Variants in ZNF827 observed in about 807,000 individuals in gnomAD.
ZNF827 encodes zinc finger protein 827.
ZNF827 carries 13 observed loss-of-function variants against 102.4 expected under a neutral mutation model. That is an observed-to-expected ratio of 0.13 (90% CI 0.08 to 0.20). ZNF827 has a LOEUF of 0.20. Ranked by LOEUF, ZNF827 falls within the 10% of genes least tolerant of loss-of-function variation. The pLI is 1.00. For missense variants in ZNF827, 1,103 were observed against 1,344.4 expected, an observed-to-expected ratio of 0.82 and a Z score of 2.81; for synonymous variants, 523 against 536.2, an observed-to-expected ratio of 0.98 and a Z score of 0.34.
In ZNF827 at chr4:145,779,471, T is replaced by C. The variant is rs752260029; in HGVS notation, c.2424A>G (p.Pro808=). The C allele has an allele frequency of 1.9e-6, 3 of 1,614,230 alleles. No homozygotes were observed. Among genetic ancestry groups the C allele is most frequent in the Non-Finnish European group, 1.7e-6 (2 of 1,180,042 alleles). ...KIVLEAGNGL[P]SWKFNDQLFP... is the part of the protein sequence containing the mutation. ...AAAGCTGGTCATTGAATTTCCAGGA[T>C]GGTAATCCATTTCCTGCCTCTAGGA... Residue 808 remains proline (P), a synonymous_variant, in exon 9 of 15, where the codon CCA becomes CCG. Coordinates refer to ENST00000508784, the MANE Select transcript of ZNF827 (RefSeq NM_001306215.2).
At chr4:145,883,296 G>A (rs950349233) in intron 4 of ZNF827, among the ~76,000 whole-genome samples, 1 of 152,128 alleles carries the variant, frequency 6.6e-6, no homozygotes, top group Non-Finnish European at 1.5e-5. Flanking sequence ...ATAGCCACAT[G>A]GGCCTTTTGC....
At chr4:145,935,884 A>G (rs1285229170) in intron 1 of ZNF827, among the ~76,000 whole-genome samples, 1 of 152,186 alleles carries the variant, frequency 6.6e-6, no homozygotes, top group South Asian at 2.1e-4. Context: ...CGACTGCACT[A>G]CACACAAGAG....
At chr4:145,812,988 C>T (rs556122921) in intron 8 of ZNF827, among the ~76,000 whole-genome samples, 83 of 152,216 alleles carry the variant, frequency 5.5e-4, no homozygotes, top group African/African-American at 1.7e-3. Context: ...AAAAAAATTG[C>T]GTGTTGTTCT....
chr4:145,885,608 G>C (rs1750038182), intron 4 of ZNF827, 70 bp downstream of exon 4: 1 of 1,438,194 alleles, frequency 7.0e-7, no homozygotes. Context: ...GGTAGACAGA[G>C]ACAGAGAGAG....
Position 145,765,606 on chromosome 4 carries a change from A to C in ZNF827, c.2993T>G (p.Val998Gly), listed in dbSNP as rs1735169926. The part of the protein sequence containing the change: ...QKNKGGNNLL[V>G]ISVMPGSQPS... Reference sequence around the variant, plus strand: ...CTGGCTCCCAGGCATGACAGAGATGACCAGCAGATTGTTCCCGCCCTTGTT... The same window carrying C: ...CTGGCTCCCAGGCATGACAGAGATGCCCAGCAGATTGTTCCCGCCCTTGTT... Residue 998 changes from valine to glycine, a missense_variant, in exon 12 of 15, where the codon GTC (valine) becomes GGC (glycine). By Grantham distance (109) the Val-to-Gly change is moderately radical (BLOSUM62 -3). Around this residue, in one of 5 missense-constraint regions of ZNF827, gnomAD observed 242 missense variants for 361.9 expected, o/e 0.67. Coordinates refer to ENST00000508784, the MANE Select transcript of ZNF827 (RefSeq NM_001306215.2). This position sits in a 1 kb window ranked among gnomAD's most constrained non-coding sequence, Gnocchi z 4.7. 1 of 1,613,940 alleles carries C rather than the reference A, an allele frequency of 6.2e-7. No homozygotes were observed. Among genetic ancestry groups the C allele is most frequent in the South Asian group, 1.1e-5 (1 of 91,072 alleles).
At chr4:145,839,978 C>T (rs529201271) in intron 7 of ZNF827, among the ~76,000 whole-genome samples, 38 of 152,138 alleles carry the variant, frequency 2.5e-4, no homozygotes, top group African/African-American at 8.2e-4. Context: ...TATAACATTT[C>T]GGTATAGATG....
At chr4:145,821,140 T>C (rs1743105812) in intron 8 of ZNF827, among the ~76,000 whole-genome samples, 1 of 152,236 alleles carries the variant, frequency 6.6e-6, no homozygotes, top group Non-Finnish European at 1.5e-5. Context: ...ACATTCATAG[T>C]TCTTCAACAA....
At chr4:145,837,049 G>A (rs1384632501) in intron 7 of ZNF827, among the ~76,000 whole-genome samples, 1 of 152,134 alleles carries the variant, frequency 6.6e-6, no homozygotes, top group African/African-American at 2.4e-5. Flanking sequence ...GATAGGTAGA[G>A]GCCTTTCCTA....
intron 4 of ZNF827, among the ~76,000 whole-genome samples, chr4:145,882,078 A>ACT (rs1260811423): frequency 6.6e-6 from 1 of 152,172 alleles, no homozygotes; most frequent in East Asian, 1.9e-4. Context: ...GAGGTTAAGA[A>ACT]CTGCTGCTGG....
At chr4:145,835,837 A>C (rs1744782820) in intron 7 of ZNF827, among the ~76,000 whole-genome samples, 1 of 150,088 alleles carries the variant, frequency 6.7e-6, no homozygotes, top group African/African-American at 2.5e-5. Context: ...CAATACCCCC[A>C]TTTTACCTGT....
chr4:145,818,305 G>A (rs913862976), intron 8 of ZNF827, among the ~76,000 whole-genome samples: 4 of 152,196 alleles, frequency 2.6e-5, no homozygotes, highest in African/African-American at 9.6e-5. Flanking sequence ...TTCCTGTGCT[G>A]CCCCTCCTCA....
intron 1 of ZNF827, among the ~76,000 whole-genome samples, chr4:145,916,418 C>T (rs1423597146): frequency 6.6e-6 from 1 of 152,190 alleles, no homozygotes; most frequent in East Asian, 1.9e-4. Flanking sequence ...AGACTTACAG[C>T]AGCCCTAGGC....
At chr4:145,903,300 C>T (rs1751578993) in intron 1 of ZNF827, 85 bp from the exon 2 acceptor site, 2 of 1,488,692 alleles carry the variant, frequency 1.3e-6, no homozygotes, top group Non-Finnish European at 1.8e-6. Flanking sequence ...TGATGACATG[C>T]TTTCTCTTCC....
At chr4:145,793,170 A>G (rs1351598754) in intron 8 of ZNF827, among the ~76,000 whole-genome samples, 1 of 150,574 alleles carries the variant, frequency 6.6e-6, no homozygotes, top group East Asian at 1.9e-4. Context: ...ACTTCCACAT[A>G]GACAAGGCTG....
chr4:145,814,030 G>A (rs534010147), intron 8 of ZNF827, among the ~76,000 whole-genome samples: 1 of 152,296 alleles, frequency 6.6e-6, no homozygotes, highest in African/African-American at 2.4e-5. Flanking sequence ...CCCAGTTACA[G>A]GTTGAGCCTC....
In ZNF827 at chr4:145,758,259, T is replaced by C. The variant is rs1734108660; in HGVS notation, c.*3357A>G. On this transcript the variant is annotated 3_prime_UTR_variant, in exon 15 of 15. Coordinates refer to ENST00000508784, the MANE Select transcript of ZNF827 (RefSeq NM_001306215.2). ...ATTAAGCATTACTAAGTCATTCAAA[T>C]ACAAGTTCAGTGGCAAGCAGTGAAA... 1 of 152,234 alleles carries C rather than the reference T, an allele frequency of 6.6e-6. No homozygotes were observed. Among genetic ancestry groups the C allele is most frequent in the African/African-American group, 2.4e-5 (1 of 41,460 alleles). The allele number at this position is 152,234 out of a possible 1,614,324, so 9.4% of individuals were successfully genotyped here. A position where few individuals can be genotyped will look rare whatever the true frequency, so the allele number is the denominator to read the frequency against.
chr4:145,894,624 T>C (rs920271261), intron 2 of ZNF827, among the ~76,000 whole-genome samples: 22 of 152,192 alleles, frequency 1.4e-4, no homozygotes, highest in African/African-American at 5.1e-4. Flanking sequence ...ACCATGCAAC[T>C]TGAAAAAGAA....
chr4:145,857,502 A>G (rs1300802158), intron 5 of ZNF827, among the ~76,000 whole-genome samples: 1 of 152,222 alleles, frequency 6.6e-6, no homozygotes, highest in African/African-American at 2.4e-5. Flanking sequence ...ACTCAGTTGG[A>G]TATCTGCAAA....
chr4:145,879,662 C>T (rs34382564), intron 4 of ZNF827, among the ~76,000 whole-genome samples: 34,340 of 152,054 alleles, frequency 0.23, 4,366 homozygotes, highest in Non-Finnish European at 0.29. Context: ...TAGAAATACA[C>T]AGTACGCTGT....
Sources: allele counts gnomAD v4.1 joint callset (sites outside exome capture counted in the v4.1 genomes callset), GRCh38; gene constraint gnomAD v4.1.1; regional missense constraint gnomAD v4.1.1; non-coding constraint Gnocchi (gnomAD v3.1); transcripts MANE v1.5; gene names NCBI Gene and HGNC (gene_info 2026-07-23, HGNC 2026-07-21).